PTBP3: variants seen among roughly 807,000 people sequenced by gnomAD.
The protein encoded by PTBP3 is polypyrimidine tract binding protein 3, also known as polypyrimidine tract-binding protein 3.
In PTBP3, 20 loss-of-function variants were observed where a neutral mutation model predicts 58.7. That is an observed-to-expected ratio of 0.34 (90% CI 0.24 to 0.50). The LOEUF (loss-of-function observed/expected upper bound fraction) is 0.50, where lower values mean the gene tolerates loss of function less well. Ranked by LOEUF, PTBP3 falls within the 20% of genes least tolerant of loss-of-function variation. PTBP3 has a pLI of 0.98. For synonymous variants in PTBP3, 185 were observed against 219.8 expected (o/e 0.84, Z 1.40); for missense variants, 509 against 637.2 (o/e 0.80, Z 2.17).
chr9:112,221,002 A>C lies in PTBP3; in HGVS notation c.*2849T>G. On this transcript the variant is annotated 3_prime_UTR_variant, in exon 14 of 14. Coordinates refer to ENST00000374257, the MANE Select transcript of PTBP3 (RefSeq NM_001163788.4). Reference sequence around the variant, plus strand: ...TTTTTCCACCATCCTGATATTTTTTAATCTTTTTTTTACAAAAACTATGCC... The same window carrying C: ...TTTTTCCACCATCCTGATATTTTTTCATCTTTTTTTTACAAAAACTATGCC... 8 of 974,702 alleles carry C rather than the reference A, an allele frequency of 8.2e-6. No homozygotes were observed. Among genetic ancestry groups the C allele is most frequent in the Non-Finnish European group, 9.8e-6 (8 of 820,218 alleles). The allele number at this position is 974,702 out of a possible 1,614,324, so 60.4% of individuals were successfully genotyped here.
intron 1 of PTBP3, among the ~76,000 whole-genome samples, chr9:112,311,626 C>T (rs1471069506): frequency 6.6e-6 from 1 of 152,108 alleles, no homozygotes; most frequent in Non-Finnish European, 1.5e-5. Flanking sequence ...TTGGCCCCCC[C>T]TAGATACTGA....
At chr9:112,332,059 GAATAAGGT>G (rs1297316239) in intron 1 of PTBP3, among the ~76,000 whole-genome samples, 1 of 43,400 alleles carries the variant, frequency 2.3e-5, no homozygotes, top group Non-Finnish European at 3.9e-5. Flanking sequence ...AAATGCAACT[GAATAAGGT>G]AATGTGAAAT....
At chr9:112,323,988 CAA>C (rs1348146144) in intron 1 of PTBP3, among the ~76,000 whole-genome samples, 1 of 151,854 alleles carries the variant, frequency 6.6e-6, no homozygotes, top group East Asian at 1.9e-4. Flanking sequence ...CTGAAGAAAA[CAA>C]AAGAGAAAAT....
At chr9:112,321,128 A>G (rs973255899) in intron 1 of PTBP3, among the ~76,000 whole-genome samples, 13 of 152,222 alleles carry the variant, frequency 8.5e-5, no homozygotes, top group African/African-American at 3.1e-4. Flanking sequence ...AAGGACTTAT[A>G]TTCACAATAT....
chr9:112,218,433 AATTTT>A (rs1834693432), exon 14 of PTBP3: 2 of 152,604 alleles, frequency 1.3e-5, no homozygotes, highest in African/African-American at 4.8e-5. Flanking sequence ...AACACAGAAA[AATTTT>A]AAGAGAGTAC....
chr9:112,298,026 T>A, intron 1 of PTBP3, 110 bp from the exon 2 acceptor site: 1 of 847,292 alleles, frequency 1.2e-6, no homozygotes, highest in Non-Finnish European at 1.8e-6. Flanking sequence ...TATGAAGACA[T>A]TAAAGGGGGA....
In PTBP3 at chr9:112,287,826, T is replaced by C. The variant is rs528534434; in HGVS notation, c.34+10006A>G. 1.9e-4 allele frequency among the ~76,000 whole-genome samples: 29 copies of C among 152,340 alleles called. 1 individual carries two copies. The South Asian group carries it at 5.4e-3, about 28-fold the overall frequency. On this transcript the variant is annotated intron_variant, in intron 2 of 13. Coordinates refer to ENST00000374257, the MANE Select transcript of PTBP3 (RefSeq NM_001163788.4). The stretch of plus-strand genomic sequence containing the variant: ...TATGCTCATATTTTCCTTTAAATAC[T>C]TGAACATACTTTTAGTAACTGTTTC...
intron 1 of PTBP3, among the ~76,000 whole-genome samples, chr9:112,310,860 G>A (rs892786420): frequency 5.9e-5 from 9 of 152,312 alleles, no homozygotes; most frequent in African/African-American, 2.2e-4. Flanking sequence ...TGTAGGTAGA[G>A]GAAACAAAAT....
At chr9:112,232,299 A>G (rs1262622967) in intron 8 of PTBP3, 61 bp from the exon 9 acceptor site, 2 of 1,409,774 alleles carry the variant, frequency 1.4e-6, no homozygotes, top group South Asian at 1.4e-5. Context: ...AACACTTGAT[A>G]CAATTTAAGT....
the PTBP3 span, among the ~76,000 whole-genome samples, chr9:112,361,498 A>C: frequency 6.6e-6 from 1 of 152,210 alleles, no homozygotes; most frequent in Non-Finnish European, 1.5e-5. Context: ...GGATTGGAGT[A>C]TCATATCCTG....
intron 3 of PTBP3, among the ~76,000 whole-genome samples, chr9:112,268,546 A>G (rs1353895935): frequency 7.0e-6 from 1 of 142,302 alleles, no homozygotes; most frequent in East Asian, 2.4e-4. Flanking sequence ...AATTTTAAAA[A>G]TTAGCGGGGC....
chr9:112,322,652 T>G (rs1830001988), intron 1 of PTBP3, among the ~76,000 whole-genome samples: 1 of 152,156 alleles, frequency 6.6e-6, no homozygotes, highest in African/African-American at 2.4e-5. Flanking sequence ...CAACAAAAAA[T>G]TACAAGGTGT....
At chr9:112,358,962 G>A in the PTBP3 span, among the ~76,000 whole-genome samples, 1 of 152,210 alleles carries the variant, frequency 6.6e-6, no homozygotes, top group East Asian at 1.9e-4. Flanking sequence ...AATCTCCTGA[G>A]TATATGGGAC....
chr9:112,336,223 G>A (rs905367036), upstream of PTBP3, among the ~76,000 whole-genome samples: 2 of 152,034 alleles, frequency 1.3e-5, no homozygotes, highest in Admixed American at 6.5e-5. Flanking sequence ...TGGAAATTAC[G>A]TTGTTTCCAA....
intron 7 of PTBP3, among the ~76,000 whole-genome samples, chr9:112,237,889 A>C (rs1351985801): frequency 6.6e-6 from 1 of 152,236 alleles, no homozygotes; most frequent in Non-Finnish European, 1.5e-5. Flanking sequence ...TTCTAACCAA[A>C]AGGAAGCTTT....
intron 1 of PTBP3, among the ~76,000 whole-genome samples, chr9:112,305,539 A>C (rs1395110615): frequency 1.3e-5 from 2 of 152,178 alleles, no homozygotes; most frequent in South Asian, 4.1e-4. Flanking sequence ...CTGGGGAAGT[A>C]ATGTGTCCAC....
In PTBP3 at chr9:112,220,456, C is replaced by T. The variant is rs892739183; in HGVS notation, c.*3395G>A. 2.6e-6 allele frequency: 3 copies of T among 1,133,012 alleles called. No individual in the cohort carries two copies. The highest frequency in any genetic ancestry group is 1.3e-4 in the East Asian group (2 of 15,172). The allele number at this position is 1,133,012 out of a possible 1,614,324, so 70.2% of individuals were successfully genotyped here. On this transcript the variant is annotated 3_prime_UTR_variant, in exon 14 of 14. Coordinates refer to ENST00000374257, the MANE Select transcript of PTBP3 (RefSeq NM_001163788.4). ...ACTTCTCATCAACTAAAACAGAACC[C>T]ATGATTATCATACTAGGTGGAGCCA...
At position 112,251,037 on chromosome 9, in the gene PTBP3, T is replaced by C. The variant is rs1836092670; in HGVS notation, c.694A>G (p.Ser232Gly). Residue 232 changes from serine (S) to glycine (G), a missense_variant, in exon 7 of 14, where the codon AGC (serine) becomes GGC (glycine). Coordinates refer to ENST00000374257, the MANE Select transcript of PTBP3 (RefSeq NM_001163788.4). ...TCATTATTATATTTCACATTAAGGC[T>C]GGTGAGCTTGGAGAAGTCAATGCGC... ...TLRIDFSKLT[S>G]LNVKYNNDKS... is the part of the protein sequence containing the mutation. 2.5e-6 allele frequency: 4 copies of C among 1,612,018 alleles called. No individual in the cohort carries two copies. In the South Asian group the frequency reaches 3.3e-5, roughly 13 times the overall value.
intron 7 of PTBP3, among the ~76,000 whole-genome samples, chr9:112,244,617 G>A (rs1165837199): frequency 6.6e-6 from 1 of 152,098 alleles, no homozygotes; most frequent in African/African-American, 2.4e-5. Flanking sequence ...GGTCGAGGCT[G>A]CAGTGAACCA....
Sources: allele counts gnomAD v4.1 joint callset (sites outside exome capture counted in the v4.1 genomes callset), GRCh38; gene constraint gnomAD v4.1.1; transcripts MANE v1.5; gene names NCBI Gene and HGNC (gene_info 2026-07-23, HGNC 2026-07-21).